UPRT: variants seen among roughly 807,000 people sequenced by gnomAD.
UPRT encodes the protein RP11-311P8.3.
A neutral mutation model predicts 22.6 loss-of-function variants in UPRT; 5 were observed. The observed-to-expected ratio is 0.22, with a 90% CI of 0.12 to 0.47. UPRT has a LOEUF of 0.47. UPRT is among the 20% of genes least tolerant of loss of function. The pLI is 0.99. For synonymous variants in UPRT, 77 were observed against 87.7 expected (o/e 0.88, Z 0.68); for missense variants, 181 against 239.9 (o/e 0.75, Z 1.62).
chrX:75,278,355 A>C (rs1297192952), intron 1 of UPRT, among the ~76,000 whole-genome samples: 2 of 112,445 alleles, frequency 1.8e-5, no homozygotes, highest in African/African-American at 3.2e-5. Flanking sequence ...TGTATTATTG[A>C]ATTTCAAGGA....
At chrX:75,214,440 A>C (rs1338778628) in intron 4 of UPRT, among the ~76,000 whole-genome samples, 2 of 113,026 alleles carry the variant, frequency 1.8e-5, no homozygotes, top group Non-Finnish European at 3.7e-5. Context: ...CTATGTGATG[A>C]ATCTAAAATA....
intron 4 of UPRT, among the ~76,000 whole-genome samples, chrX:75,237,999 C>G (rs1296779990): frequency 9.0e-6 from 1 of 110,842 alleles, no homozygotes; most frequent in Non-Finnish European, 1.9e-5. Context: ...GAAACGAAAC[C>G]TTGAAATACA....
intron 4 of UPRT, among the ~76,000 whole-genome samples, chrX:75,265,612 G>T (rs1345332258): frequency 1.8e-5 from 2 of 111,205 alleles, no homozygotes; most frequent in Admixed American, 1.9e-4. Flanking sequence ...TAACTTCTTT[G>T]CCATGGGTTC....
At chrX:75,272,329 T>C (rs868841237), upstream of UPRT, among the ~76,000 whole-genome samples, 6 of 59,121 alleles carry the variant, frequency 1.0e-4, no homozygotes, top group South Asian at 9.3e-4. Context: ...TACATATATA[T>C]GTATATATAT....
At chrX:75,200,922 G>C (rs1474032338) in intron 4 of UPRT, among the ~76,000 whole-genome samples, 2 of 111,747 alleles carry the variant, frequency 1.8e-5, no homozygotes, top group Non-Finnish European at 3.8e-5. Context: ...ACTCCAGCCT[G>C]GGTGAAATAG....
intron 2 of UPRT, among the ~76,000 whole-genome samples, chrX:75,296,105 A>C (rs760880967): frequency 6.3e-5 from 7 of 111,604 alleles, no homozygotes; most frequent in African/African-American, 2.3e-4. Context: ...CAGAAGGAAT[A>C]TTGGAGCCTT....
intron 4 of UPRT, among the ~76,000 whole-genome samples, chrX:75,252,522 C>G (rs1316346590): frequency 8.9e-6 from 1 of 112,021 alleles, no homozygotes; most frequent in East Asian, 2.8e-4. Context: ...GAATGGCGAT[C>G]ATTAAAAAGT....
chrX:75,169,029 G>A (rs1238793927), intron 4 of UPRT, among the ~76,000 whole-genome samples: 1 of 111,657 alleles, frequency 9.0e-6, no homozygotes, highest in Non-Finnish European at 1.9e-5. Context: ...AACATATGAT[G>A]TTTGGTTTTC....
At chrX:75,178,750 G>A (rs1038640777) in intron 4 of UPRT, among the ~76,000 whole-genome samples, 11 of 110,889 alleles carry the variant, frequency 9.9e-5, no homozygotes, top group Non-Finnish European at 1.5e-4. Context: ...AGATCTTTGC[G>A]GTGAGTGTTA....
At chrX:75,238,560 G>T (rs1378735338) in intron 4 of UPRT, among the ~76,000 whole-genome samples, 2 of 111,585 alleles carry the variant, frequency 1.8e-5, no homozygotes, top group African/African-American at 6.5e-5. Flanking sequence ...GCACTAGACA[G>T]GTCATCAAGA....
intron 4 of UPRT, among the ~76,000 whole-genome samples, chrX:75,180,860 GT>G (rs760801163): frequency 1.8e-5 from 2 of 109,433 alleles, no homozygotes; most frequent in South Asian, 8.0e-4. Flanking sequence ...AAGCTCTTTA[GT>G]TTACTTCAAT....
chrX:75,225,242 G>A (rs762247187), intron 4 of UPRT, among the ~76,000 whole-genome samples: 18 of 108,632 alleles, frequency 1.7e-4, no homozygotes, highest in African/African-American at 6.0e-4. Flanking sequence ...TGATGTAGAA[G>A]GATTGCTCGA....
chrX:75,279,599 A>G (rs1474039381), intron 1 of UPRT, among the ~76,000 whole-genome samples: 22 of 111,760 alleles, frequency 2.0e-4, no homozygotes, highest in African/African-American at 7.2e-4. Flanking sequence ...ATTTTTTTGC[A>G]ATAATTTCAA....
At chrX:75,182,125 G>A (rs2147610973) in intron 4 of UPRT, among the ~76,000 whole-genome samples, 1 of 111,862 alleles carries the variant, frequency 8.9e-6, no homozygotes, top group Non-Finnish European at 1.9e-5. Flanking sequence ...TTGTTTGTTT[G>A]TTTTTAGTTC....
intron 4 of UPRT, among the ~76,000 whole-genome samples, chrX:75,263,149 T>C (rs900659977): frequency 1.7e-4 from 19 of 111,905 alleles, no homozygotes; most frequent in Admixed American, 1.3e-3. Context: ...GGACTATTGA[T>C]GTTAGTCAGG....
At chrX:75,168,675 A>AT (rs1419493421) in intron 4 of UPRT, among the ~76,000 whole-genome samples, 1 of 110,795 alleles carries the variant, frequency 9.0e-6, no homozygotes, top group African/African-American at 3.3e-5. Flanking sequence ...GATTACAGGC[A>AT]TGCGCCACCA....
intron 4 of UPRT, among the ~76,000 whole-genome samples, chrX:75,204,656 T>A (rs2082358274): frequency 8.9e-6 from 1 of 111,850 alleles, no homozygotes; most frequent in African/African-American, 3.3e-5. Flanking sequence ...GAAATGGATT[T>A]TTGTTAACTA....
intron 4 of UPRT, among the ~76,000 whole-genome samples, chrX:75,206,819 C>A (rs1046105006): frequency 9.0e-6 from 1 of 111,190 alleles, no homozygotes; most frequent in African/African-American, 3.3e-5. Flanking sequence ...TGCCCACCAC[C>A]ATGCCTGGCT....
chrX:75,202,918 A>G (rs1176321733), intron 4 of UPRT: 1 of 112,054 alleles, frequency 8.9e-6, no homozygotes, highest in Non-Finnish European at 1.9e-5. Context: ...ACCAGCTAGC[A>G]TCATGATGAC....
Sources: gnomAD v4.1 joint callset for allele counts (sites outside exome capture counted in the v4.1 genomes callset) on GRCh38, gnomAD v4.1.1 for gene constraint, MANE v1.5 for transcripts, NCBI Gene and HGNC (gene_info 2026-07-23, HGNC 2026-07-21) for gene names.